Variants in TBCD observed in about 807,000 individuals in gnomAD.
The protein encoded by TBCD is tubulin folding cofactor D, also known as tubulin-specific chaperone D.
In TBCD, 105 loss-of-function variants were observed where a neutral mutation model predicts 169.3. That is an observed-to-expected ratio of 0.62 (90% confidence interval 0.53 to 0.73). The LOEUF is 0.73. Among genes scored for constraint, TBCD ranks in the 30% least tolerant of loss-of-function variants. The pLI is 0.00. For synonymous variants in TBCD, 700 were observed against 643.9 expected, an observed-to-expected ratio of 1.09 and a Z score of -1.32; for missense variants, 1,444 against 1,600.1, an observed-to-expected ratio of 0.90 and a Z score of 1.66.
intron 7 of TBCD, among the ~76,000 whole-genome samples, chr17:82,786,131 A>G (rs888461270): frequency 6.6e-6 from 1 of 152,268 alleles, no homozygotes; most frequent in African/African-American, 2.4e-5. Context: ...CAGTGTCCTT[A>G]TAATCATCTG....
intron 3 of TBCD, 135 bp from the exon 4 acceptor site, chr17:82,766,132 G>C (rs2048005401): frequency 1.4e-6 from 1 of 703,302 alleles, no homozygotes; most frequent in Admixed American, 2.4e-5. Flanking sequence ...ACTAAATTGT[G>C]TCACTGTAAT....
intron 8 of TBCD, among the ~76,000 whole-genome samples, chr17:82,800,234 G>A (rs1482888992): frequency 6.6e-6 from 1 of 152,086 alleles, no homozygotes; most frequent in Non-Finnish European, 1.5e-5. Flanking sequence ...TGTCCTCCTG[G>A]CCTCAGCTTG....
chr17:82,786,370 C>T (rs568514119), intron 7 of TBCD, among the ~76,000 whole-genome samples: 8 of 152,190 alleles, frequency 5.3e-5, no homozygotes, highest in East Asian at 1.9e-4. Flanking sequence ...GGCTCTGCCC[C>T]GAGTGTGGTG....
Position 82,809,714 on chromosome 17 carries a change from T to C in TBCD, c.1155T>C (p.Gly385=), listed in dbSNP as rs1275087695. 1.9e-6 allele frequency: 3 copies of C among 1,612,854 alleles called. No homozygotes were observed. In the African/African-American group the frequency reaches 4.0e-5, roughly 22 times the overall value. The part of the protein sequence containing the change: ...VVRWSAAKGI[G]RMAGRLPRAL... ...TGCTGCGTTTCTCTTTCAGCATCGG[T>C]AGGATGGCTGGCAGGCTTCCCAGAG... is the stretch of plus-strand genomic sequence containing the variant. Residue 385 remains glycine, a synonymous_variant, in exon 12 of 39, where the codon GGT becomes GGC. Transcript: ENST00000355528.
intron 1 of TBCD, among the ~76,000 whole-genome samples, chr17:82,752,897 G>A (rs1368930181): frequency 6.6e-6 from 1 of 152,206 alleles, no homozygotes; most frequent in Non-Finnish European, 1.5e-5. Context: ...CGGGTGGGGA[G>A]GGCAGCAGCC....
In TBCD at chr17:82,884,316, C is replaced by G. The variant is rs543618766; in HGVS notation, c.1533+114C>G. On this transcript the variant is annotated intron_variant, in intron 15 of 38. Transcript: ENST00000355528. This position sits in a 1 kb window ranked among gnomAD's most constrained non-coding sequence, Gnocchi z 4.2. Reference sequence around the variant, plus strand: ...CAGCTCACCCATCCACAGCAGGAGCCGCGAGGGAGCTGCTGAGAGTGCCAG... The same window carrying G: ...CAGCTCACCCATCCACAGCAGGAGCGGCGAGGGAGCTGCTGAGAGTGCCAG... 7.1e-6 allele frequency: 7 copies of G among 980,176 alleles called. No homozygotes were observed. The highest frequency in any genetic ancestry group is 1.6e-5 in the African/African-American group (1 of 61,990). The allele number at this position is 980,176 out of a possible 1,614,324, so 60.7% of individuals were successfully genotyped here.
Position 82,942,919 on chromosome 17 carries a change from A to C in TBCD, c.*456A>C. The stretch of plus-strand genomic sequence containing the variant: ...GATGAATGTTAAATCAGAGGTTCAA[A>C]TGCTAGAGAACTGAGAAGCCCTGGT... On this transcript the variant is annotated 3_prime_UTR_variant, in exon 39 of 39. Coordinates refer to ENST00000355528, the MANE Select transcript of TBCD (RefSeq NM_005993.5). The C allele has an allele frequency of 4.8e-6, 1 of 208,288 alleles. No individual in the cohort carries two copies. The highest frequency in any genetic ancestry group is 9.6e-6 in the Non-Finnish European group (1 of 103,686). The allele number at this position is 208,288 out of a possible 1,614,324, so 12.9% of individuals were successfully genotyped here. A position where few individuals can be genotyped will look rare whatever the true frequency, so the allele number is the denominator to read the frequency against.
At chr17:82,756,035 G>C (rs2047384305) in intron 1 of TBCD, 130 bp from the exon 2 acceptor site, 1 of 781,840 alleles carries the variant, frequency 1.3e-6, no homozygotes, top group Non-Finnish European at 2.2e-6. Flanking sequence ...GAGAGGGGAG[G>C]TGTGCTCTTG....
intron 13 of TBCD, among the ~76,000 whole-genome samples, chr17:82,828,006 C>T (rs944878020): frequency 6.7e-5 from 10 of 150,080 alleles, no homozygotes; most frequent in African/African-American, 9.8e-5. Flanking sequence ...CGCACACACA[C>T]CTGCAGATAT....
At position 82,870,128 on chromosome 17, in the gene TBCD, G is replaced by A. The variant is rs1431545854; in HGVS notation, c.1319-96G>A. The stretch of plus-strand genomic sequence containing the variant: ...TTGCGTGCCTCACTCATCTGGCACC[G>A]TGACCGCGCTCCGGCCCTGAGCCCC... On this transcript the variant is annotated intron_variant, in intron 13 of 38. Coordinates refer to ENST00000355528, the MANE Select transcript of TBCD (RefSeq NM_005993.5). The A allele has an allele frequency of 1.1e-5, 17 of 1,551,400 alleles. No homozygotes were observed. In the East Asian group the frequency reaches 2.0e-4, roughly 19 times the overall value.
intron 2 of TBCD, among the ~76,000 whole-genome samples, chr17:82,758,179 A>G (rs950807951): frequency 4.0e-5 from 6 of 151,804 alleles, no homozygotes; most frequent in Non-Finnish European, 7.4e-5. Flanking sequence ...ACCTGAGGTC[A>G]GGAGTTTGAG....
chr17:82,770,268 G>A (rs2048236859), intron 5 of TBCD, among the ~76,000 whole-genome samples: 1 of 152,202 alleles, frequency 6.6e-6, no homozygotes, highest in Admixed American at 6.5e-5. Flanking sequence ...TCTGATAGAT[G>A]GATGTTTTGT....
chr17:82,931,063 C>T (rs1451116138), intron 33 of TBCD, among the ~76,000 whole-genome samples: 3 of 152,190 alleles, frequency 2.0e-5, no homozygotes, highest in East Asian at 1.9e-4. Flanking sequence ...TGAGAAACAT[C>T]GCTGCTTTCT....
At chr17:82,854,924 G>T (rs1202824333) in intron 13 of TBCD, among the ~76,000 whole-genome samples, 2 of 152,230 alleles carry the variant, frequency 1.3e-5, no homozygotes, top group African/African-American at 4.8e-5. Context: ...CATTCATGAA[G>T]CTCTGTCCTT....
chr17:82,756,312 C>G, intron 2 of TBCD, 97 bp downstream of exon 2: 1 of 1,271,142 alleles, frequency 7.9e-7, no homozygotes, highest in Non-Finnish European at 1.1e-6. Flanking sequence ...TTGCCAGGAT[C>G]AAATGCCAAG....
At chr17:82,842,238 C>A (rs1242204784) in intron 13 of TBCD, among the ~76,000 whole-genome samples, 3 of 152,182 alleles carry the variant, frequency 2.0e-5, no homozygotes, top group Non-Finnish European at 4.4e-5. Flanking sequence ...TGTGTACCTT[C>A]CACCCTCTAC....
chr17:82,764,108 A>G, intron 3 of TBCD, 46 bp downstream of exon 3: 4 of 1,456,724 alleles, frequency 2.7e-6, no homozygotes, highest in Non-Finnish European at 2.9e-6. Flanking sequence ...CTTTTGTAAT[A>G]TACTTGGTCC....
intron 7 of TBCD, among the ~76,000 whole-genome samples, chr17:82,794,397 A>C (rs995497793): frequency 2.0e-5 from 3 of 152,160 alleles, no homozygotes; most frequent in African/African-American, 2.4e-5. Flanking sequence ...CAACAAAAAC[A>C]GACCTGCAGT....
intron 7 of TBCD, among the ~76,000 whole-genome samples, chr17:82,785,621 G>C (rs78236723): frequency 9.7e-5 from 2 of 20,694 alleles, no homozygotes; most frequent in Non-Finnish European, 1.8e-4. Flanking sequence ...CACTGGACCC[G>C]ACCCATCGCA....
Sources: gnomAD v4.1 joint callset for allele counts (sites outside exome capture counted in the v4.1 genomes callset) on GRCh38, gnomAD v4.1.1 for gene constraint, Gnocchi (gnomAD v3.1) non-coding constraint, MANE v1.5 for transcripts, NCBI Gene and HGNC (gene_info 2026-07-23, HGNC 2026-07-21) for gene names.